The following CCSER1 variants were observed in gnomAD, a reference collection of about 807,000 sequenced individuals.
The protein encoded by CCSER1 is serine-rich coiled-coil domain-containing protein 1.
Under a neutral mutation model 82.0 loss-of-function variants are expected in CCSER1, and 41 were observed. The observed-to-expected ratio is 0.50, with a 90% CI of 0.39 to 0.65. CCSER1 has a LOEUF of 0.65. Among genes scored for constraint, CCSER1 ranks in the 30% least tolerant of loss-of-function variants. The probability of loss-of-function intolerance (pLI) is 0.00; values close to 1 mark genes in which losing one functional copy is unlikely to be tolerated. For synonymous variants in CCSER1, 414 were observed against 383.9 expected, an observed-to-expected ratio of 1.08 and a Z score of -0.92; for missense variants, 1,119 against 1,064.2, an observed-to-expected ratio of 1.05 and a Z score of -0.72.
At chr4:90,923,066 T>G (rs1300021159) in intron 8 of CCSER1, among the ~76,000 whole-genome samples, 1 of 152,250 alleles carries the variant, frequency 6.6e-6, no homozygotes, top group African/African-American at 2.4e-5. Context: ...TTTAAAAAGA[T>G]AACAGGAAAC....
chr4:90,896,736 A>C (rs911380461), intron 8 of CCSER1, among the ~76,000 whole-genome samples: 2 of 151,988 alleles, frequency 1.3e-5, no homozygotes, highest in African/African-American at 4.8e-5. Flanking sequence ...CTTGTTAACA[A>C]TATTTTGGGA....
intron 10 of CCSER1, among the ~76,000 whole-genome samples, chr4:91,578,469 T>G (rs1763562388): frequency 6.6e-6 from 1 of 152,010 alleles, no homozygotes; most frequent in African/African-American, 2.4e-5. Context: ...AGCAGATTTC[T>G]GATTCAAATT....
At chr4:90,165,353 G>A (rs1252584334) in intron 1 of CCSER1, among the ~76,000 whole-genome samples, 1 of 152,040 alleles carries the variant, frequency 6.6e-6, no homozygotes. Flanking sequence ...TGCTGATTTG[G>A]TGATGAGCAT....
At chr4:91,301,909 G>A (rs1300272213) in intron 10 of CCSER1, among the ~76,000 whole-genome samples, 2 of 151,826 alleles carry the variant, frequency 1.3e-5, no homozygotes, top group Non-Finnish European at 2.9e-5. Context: ...CTTGTTTCTT[G>A]GAGCTGGATT....
chr4:90,656,427 C>A (rs1278908692), intron 6 of CCSER1, among the ~76,000 whole-genome samples: 6 of 151,108 alleles, frequency 4.0e-5, no homozygotes, highest in African/African-American at 1.5e-4. Flanking sequence ...AATAAATATT[C>A]TGGTGTTAAT....
At chr4:90,326,477 A>G (rs529761651) in intron 3 of CCSER1, among the ~76,000 whole-genome samples, 3 of 104,342 alleles carry the variant, frequency 2.9e-5, no homozygotes, top group Admixed American at 8.9e-5. Context: ...CTGAAATTCC[A>G]TATATATATA....
intron 9 of CCSER1, among the ~76,000 whole-genome samples, chr4:91,050,983 G>GT (rs944599953): frequency 6.6e-6 from 1 of 152,104 alleles, no homozygotes; most frequent in African/African-American, 2.4e-5. Flanking sequence ...TTCCTTGACT[G>GT]TTGATATTCT....
At chr4:91,591,040 C>G (rs1764240123) in intron 10 of CCSER1, among the ~76,000 whole-genome samples, 1 of 152,094 alleles carries the variant, frequency 6.6e-6, no homozygotes, top group Admixed American at 6.6e-5. Flanking sequence ...ATCCCCCACC[C>G]CTTGGGGACA....
Position 91,230,429 on chromosome 4 carries a change from G to A in CCSER1, c.2217+144435G>A, listed in dbSNP as rs532632385. 1.2e-4 allele frequency among the ~76,000 whole-genome samples: 18 copies of A among 151,894 alleles called. No individual in the cohort carries two copies. The South Asian group carries it at 3.3e-3, about 28-fold the overall frequency. On this transcript the variant is annotated intron_variant, in intron 10 of 10. Transcript: ENST00000509176. ...TGAGTTTGCTTATAGATGTAAGGTC[G>A]ACACTAACAAAACTATATGCTCAAC...
chr4:90,736,813 CT>C (rs1745726834), intron 7 of CCSER1, among the ~76,000 whole-genome samples: 1 of 151,870 alleles, frequency 6.6e-6, no homozygotes, highest in Admixed American at 6.6e-5. Context: ...GTAATTTTCT[CT>C]GGTGGTATGT....
intron 1 of CCSER1, among the ~76,000 whole-genome samples, chr4:90,232,361 A>C (rs902817055): frequency 2.0e-5 from 3 of 151,966 alleles, no homozygotes; most frequent in Non-Finnish European, 2.9e-5. Context: ...TGACAAAAAC[A>C]AGCAATGGGG....
intron 6 of CCSER1, among the ~76,000 whole-genome samples, chr4:90,692,035 GTA>G (rs60193331): frequency 0.031 from 4,346 of 142,488 alleles, 65 homozygotes; most frequent in African/African-American, 0.049. Context: ...TTCAATGTGT[GTA>G]TATATATATA....
chr4:90,716,539 C>T lies in CCSER1; in HGVS notation c.1933-7375C>T, dbSNP rs150197357. On this transcript the variant is annotated intron_variant, in intron 6 of 10. Transcript: ENST00000509176. Reference sequence around the variant, plus strand: ...AACTTGAAACTTCTCAATCATAGTGCTTATTCCCATACAGTTATGTGCTGT... The same window carrying T: ...AACTTGAAACTTCTCAATCATAGTGTTTATTCCCATACAGTTATGTGCTGT... Among the ~76,000 whole-genome samples the T allele has an allele frequency of 3.0e-3, 455 of 152,166 alleles. 3 individuals are homozygous for T. Among genetic ancestry groups the T allele is most frequent in the Non-Finnish European group, 4.4e-3 (299 of 67,956 alleles).
chr4:90,280,832 A>G (rs950041755), intron 1 of CCSER1, among the ~76,000 whole-genome samples: 2 of 151,994 alleles, frequency 1.3e-5, no homozygotes, highest in African/African-American at 2.4e-5. Context: ...GAACCATTGG[A>G]ACACTTCCAA....
intron 5 of CCSER1, among the ~76,000 whole-genome samples, chr4:90,529,946 T>C (rs1156614220): frequency 8.1e-6 from 1 of 124,166 alleles, no homozygotes. Flanking sequence ...AATATATATA[T>C]ATATATTTTT....
chr4:90,247,855 G>T (rs748193044), intron 1 of CCSER1, among the ~76,000 whole-genome samples: 28 of 150,964 alleles, frequency 1.9e-4, no homozygotes, highest in African/African-American at 6.3e-4. Context: ...CTTATTTATG[G>T]TTTTTTTTGA....
At chr4:91,589,927 T>G (rs2110337490) in intron 10 of CCSER1, among the ~76,000 whole-genome samples, 1 of 152,008 alleles carries the variant, frequency 6.6e-6, no homozygotes, top group South Asian at 2.1e-4. Flanking sequence ...CTCTCACACA[T>G]ACATTAGTGT....
chr4:91,348,957 G>C (rs2149296955), intron 10 of CCSER1, among the ~76,000 whole-genome samples: 1 of 152,176 alleles, frequency 6.6e-6, no homozygotes, highest in Admixed American at 6.5e-5. Context: ...CCCCCAGGCT[G>C]GAGTGCAGTG....
chr4:90,755,422 A>G lies in CCSER1; in HGVS notation c.2010+31431A>G, dbSNP rs959190640. On this transcript the variant is annotated intron_variant, in intron 7 of 10. Coordinates refer to ENST00000509176, the MANE Select transcript of CCSER1 (RefSeq NM_001145065.2). ...CCATCCCATCTAGCAGTGTCTTTTA[A>G]CCAATAGTTAGTCAGTAAATACTTG... 1.2e-4 allele frequency among the ~76,000 whole-genome samples: 19 copies of G among 152,234 alleles called. No individual in the cohort carries two copies. The South Asian group carries it at 1.9e-3, about 15-fold the overall frequency.
Sources: gnomAD v4.1 joint callset for allele counts (sites outside exome capture counted in the v4.1 genomes callset) on GRCh38, gnomAD v4.1.1 for gene constraint, MANE v1.5 for transcripts, NCBI Gene and HGNC (gene_info 2026-07-23, HGNC 2026-07-21) for gene names.